The following SOBP variants were observed in gnomAD, a reference collection of about 807,000 sequenced individuals.
The protein encoded by SOBP is sine oculis binding protein homolog.
In SOBP, 4 loss-of-function variants were observed where a neutral mutation model predicts 53.6. That is an observed-to-expected ratio of 0.07 (90% CI 0.04 to 0.17). The LOEUF (loss-of-function observed/expected upper bound fraction) is 0.17, where lower values mean the gene tolerates loss of function less well. SOBP is among the 10% of genes least tolerant of loss of function. The pLI, the probability that SOBP is intolerant of heterozygous loss-of-function variation, is 1.00. For synonymous variants in SOBP, 584 were observed against 522.6 expected (o/e 1.12, Z -1.60); for missense variants, 1,088 against 1,204.7 (o/e 0.90, Z 1.43).
intron 5 of SOBP, among the ~76,000 whole-genome samples, chr6:107,613,023 G>A (rs1020752655): frequency 2.0e-5 from 3 of 152,058 alleles, no homozygotes; most frequent in Admixed American, 1.3e-4. Flanking sequence ...CCACCCTTTG[G>A]CTATTGGGAA....
intron 5 of SOBP, among the ~76,000 whole-genome samples, chr6:107,616,018 G>A (rs1346538939): frequency 7.4e-6 from 1 of 135,598 alleles, no homozygotes. Flanking sequence ...GCGAGACTCT[G>A]TCTCTGGGCA....
chr6:107,494,925 C>T (rs755688721), intron 1 of SOBP, among the ~76,000 whole-genome samples: 1 of 151,866 alleles, frequency 6.6e-6, no homozygotes, highest in Non-Finnish European at 1.5e-5. Context: ...GTTGCAGAGC[C>T]GAGCTGGTGA....
intron 4 of SOBP, among the ~76,000 whole-genome samples, chr6:107,582,442 A>T (rs1163109071): frequency 6.6e-6 from 1 of 152,170 alleles, no homozygotes; most frequent in Non-Finnish European, 1.5e-5. Context: ...TTCTCATATC[A>T]TCTAATATTT....
chr6:107,638,598 A>C (rs892143506), intron 6 of SOBP, among the ~76,000 whole-genome samples: 5 of 152,122 alleles, frequency 3.3e-5, no homozygotes, highest in Admixed American at 1.3e-4. Flanking sequence ...GGGAAATTGG[A>C]AGTGTATCCA....
intron 4 of SOBP, among the ~76,000 whole-genome samples, chr6:107,560,572 C>A (rs556636164): frequency 6.6e-6 from 1 of 152,166 alleles, no homozygotes; most frequent in South Asian, 2.1e-4. Context: ...TGGATACTCA[C>A]GGTTTCTCCC....
intron 6 of SOBP, among the ~76,000 whole-genome samples, chr6:107,657,453 C>T (rs1282543128): frequency 6.6e-6 from 1 of 152,186 alleles, no homozygotes; most frequent in Non-Finnish European, 1.5e-5. Flanking sequence ...AGGCAAGACC[C>T]ACACACGGAG....
intron 4 of SOBP, among the ~76,000 whole-genome samples, chr6:107,553,873 C>T (rs1251385430): frequency 6.6e-6 from 1 of 152,174 alleles, no homozygotes; most frequent in Admixed American, 6.5e-5. Flanking sequence ...CTGCCTGCCT[C>T]AGGTGTGGGC....
chr6:107,621,951 A>G (rs1770198721), intron 5 of SOBP, among the ~76,000 whole-genome samples: 1 of 152,230 alleles, frequency 6.6e-6, no homozygotes, highest in Non-Finnish European at 1.5e-5. Context: ...TGAAGTACAC[A>G]TCAGAGGAAA....
At chr6:107,617,699 C>CA (rs1786842746) in intron 5 of SOBP, among the ~76,000 whole-genome samples, 1 of 152,076 alleles carries the variant, frequency 6.6e-6, no homozygotes, top group Non-Finnish European at 1.5e-5. Context: ...CAAAGAAGCT[C>CA]AATTAGCTGG....
At position 107,634,951 on chromosome 6, in the gene SOBP, G is replaced by T. The variant is rs1171805571; in HGVS notation, c.2107G>T (p.Ala703Ser). ...CRDGHCSPPA[A>S]GDPGPGAPAG... ...GGACGGCCACTGCAGCCCGCCCGCC[G>T]CCGGCGACCCAGGCCCGGGCGCCCC... Residue 703 changes from alanine (A) to serine (S), a missense_variant, in exon 6 of 7, where the codon GCC (alanine) becomes TCC (serine). Coordinates refer to ENST00000317357, the MANE Select transcript of SOBP (RefSeq NM_018013.4). The surrounding 1 kb of genome is among the most constrained non-coding windows in gnomAD (Gnocchi z 4.5). 3 of 1,051,738 alleles carry T rather than the reference G, an allele frequency of 2.9e-6. No individual in the cohort carries two copies. The highest frequency in any genetic ancestry group is 3.4e-6 in the Non-Finnish European group (3 of 875,262). 65.2% of individuals were successfully genotyped at this position (1,051,738 alleles called of 1,614,324 possible).
intron 4 of SOBP, among the ~76,000 whole-genome samples, chr6:107,566,763 T>G (rs1784928287): frequency 1.3e-5 from 2 of 152,226 alleles, no homozygotes; most frequent in Non-Finnish European, 2.9e-5. Flanking sequence ...TGCTGCAGTC[T>G]CTTGGTGTAT....
chr6:107,510,473 T>C (rs1464558621), intron 3 of SOBP: 2 of 152,252 alleles, frequency 1.3e-5, no homozygotes, highest in Non-Finnish European at 2.9e-5. Context: ...AATGAATGAC[T>C]GATATTCAAA....
At chr6:107,525,978 G>A (rs951234887) in intron 3 of SOBP, among the ~76,000 whole-genome samples, 5 of 151,346 alleles carry the variant, frequency 3.3e-5, no homozygotes, top group Admixed American at 3.3e-4. Context: ...ACGGAGTTTC[G>A]CTCTTGTTGC....
chr6:107,600,121 TTTC>T (rs1201782198), intron 5 of SOBP, among the ~76,000 whole-genome samples: 1 of 152,250 alleles, frequency 6.6e-6, no homozygotes, highest in African/African-American at 2.4e-5. Context: ...GGCTTTTTTC[TTTC>T]TGAGCCTAAT....
At chr6:107,519,644 T>C (rs528180562) in intron 3 of SOBP, among the ~76,000 whole-genome samples, 2 of 152,332 alleles carry the variant, frequency 1.3e-5, no homozygotes, top group South Asian at 4.1e-4. Flanking sequence ...GATTAAAGCA[T>C]ACTATAGCAA....
intron 4 of SOBP, among the ~76,000 whole-genome samples, chr6:107,562,985 A>G (rs960985193): frequency 6.6e-6 from 1 of 152,196 alleles, no homozygotes; most frequent in African/African-American, 2.4e-5. Context: ...CATATTCATA[A>G]TACAAATTTT....
chr6:107,492,830 TTGTC>T (rs2114930246), intron 1 of SOBP, among the ~76,000 whole-genome samples: 1 of 152,286 alleles, frequency 6.6e-6, no homozygotes, highest in East Asian at 1.9e-4. Flanking sequence ...AATAACTCAA[TTGTC>T]TGTAGGATCA....
At chr6:107,548,855 T>C (rs1191670581) in intron 4 of SOBP, among the ~76,000 whole-genome samples, 1 of 152,102 alleles carries the variant, frequency 6.6e-6, no homozygotes, top group Non-Finnish European at 1.5e-5. Flanking sequence ...GGAGAATTGT[T>C]TGAGCCAGGA....
At chr6:107,629,507 A>C (rs1171756235) in intron 5 of SOBP, among the ~76,000 whole-genome samples, 1 of 152,230 alleles carries the variant, frequency 6.6e-6, no homozygotes, top group African/African-American at 2.4e-5. Flanking sequence ...ACCTCATGGC[A>C]TACTTTGGCC....
Sources: allele counts gnomAD v4.1 joint callset (sites outside exome capture counted in the v4.1 genomes callset), GRCh38; gene constraint gnomAD v4.1.1; non-coding constraint Gnocchi (gnomAD v3.1); transcripts MANE v1.5; gene names NCBI Gene and HGNC (gene_info 2026-07-23, HGNC 2026-07-21).